The following ENTPD5 variants were observed in gnomAD, a reference collection of about 807,000 sequenced individuals.
The protein encoded by ENTPD5 is nucleoside diphosphate phosphatase ENTPD5.
In ENTPD5, 49 loss-of-function variants were observed where a neutral mutation model predicts 60.2. The ratio of observed to expected loss-of-function variants is 0.81; its 90% confidence interval spans 0.65 to 1.03. The LOEUF is 1.03. Ranked by LOEUF, ENTPD5 falls within the 50% of genes least tolerant of loss-of-function variation. The probability of loss-of-function intolerance (pLI) is 0.00; values close to 1 mark genes in which losing one functional copy is unlikely to be tolerated. For missense variants in ENTPD5, 480 were observed against 507.6 expected (o/e 0.95, Z 0.52); for synonymous variants, 187 against 185.4 (o/e 1.01, Z -0.07).
chr14:73,959,130 TCA>T (rs1382285092), downstream of ENTPD5: 1 of 1,614,034 alleles, frequency 6.2e-7, no homozygotes, highest in African/African-American at 1.3e-5. Context: ...ACTAGGTACT[TCA>T]CAGAGAAACT....
At chr14:74,002,094 T>C (rs2058530059) in intron 3 of ENTPD5, among the ~76,000 whole-genome samples, 1 of 152,176 alleles carries the variant, frequency 6.6e-6, no homozygotes, top group Admixed American at 6.6e-5. Flanking sequence ...GCTCATTTAA[T>C]CTCACATTAC....
downstream of ENTPD5, among the ~76,000 whole-genome samples, chr14:73,957,083 CTTATTA>C (rs1050220117): frequency 5.3e-4 from 79 of 149,300 alleles, 1 homozygote; most frequent in Middle Eastern, 3.5e-3. Context: ...CTACAGCGAG[CTTATTA>C]TTATTATTAT....
intron 1 of ENTPD5, among the ~76,000 whole-genome samples, chr14:74,017,868 G>A (rs1000402525): frequency 6.8e-6 from 1 of 147,744 alleles, no homozygotes; most frequent in Admixed American, 6.8e-5. Context: ...TAGGCAACAA[G>A]AGCAAAACTC....
chr14:73,983,139 A>G lies in ENTPD5; in HGVS notation c.320T>C (p.Leu107Pro). 1 of 1,614,008 alleles carries G rather than the reference A, an allele frequency of 6.2e-7. No homozygotes were observed. The highest frequency in any genetic ancestry group is 8.5e-7 in the Non-Finnish European group (1 of 1,179,966). ...PKQGAETVQG[L>P]LEVAKDSIPR... The stretch of plus-strand genomic sequence containing the variant: ...GATTGAGTCTTTGGCCACCTCTAAG[A>G]GCCCTTGAACGGTCTCAGCACCCTT... Residue 107 changes from leucine to proline, a missense_variant, in exon 6 of 16, where the codon CTC becomes CCC. By Grantham distance (98) the Leu-to-Pro change is moderately conservative (BLOSUM62 -3). Transcript: ENST00000334696.
At chr14:73,994,734 A>G (rs959666203) in intron 3 of ENTPD5, among the ~76,000 whole-genome samples, 1 of 151,572 alleles carries the variant, frequency 6.6e-6, no homozygotes, top group Non-Finnish European at 1.5e-5. Context: ...CCATCTCAAA[A>G]AAAAAAAAAA....
Position 74,011,123 on chromosome 14 carries a change from G to T in ENTPD5, c.-103C>A. 1 of 877,584 alleles carries T rather than the reference G, an allele frequency of 1.1e-6. No homozygotes were observed. The highest frequency in any genetic ancestry group is 1.4e-6 in the Non-Finnish European group (1 of 731,916). 54.4% of individuals were successfully genotyped at this position (877,584 alleles called of 1,614,324 possible). A position where few individuals can be genotyped will look rare whatever the true frequency, so the allele number is the denominator to read the frequency against. ...TTCTTTCCTTCTGAATTTTCTCCTT[G>T]GTTCCTTTATTATATCACTTTTTCA... On this transcript the variant is annotated 5_prime_UTR_variant, in exon 3 of 16. Coordinates refer to ENST00000334696, the MANE Select transcript of ENTPD5 (RefSeq NM_001249.5).
chr14:73,996,547 G>T (rs1174524951), intron 3 of ENTPD5: 1 of 151,072 alleles, frequency 6.6e-6, no homozygotes, highest in Non-Finnish European at 1.5e-5. Flanking sequence ...GCATTCACCT[G>T]TCTAGTTAAT....
intron 1 of ENTPD5, among the ~76,000 whole-genome samples, chr14:74,017,327 AGAAAAG>A (rs1309589396): frequency 2.4e-5 from 1 of 42,250 alleles, no homozygotes; most frequent in Non-Finnish European, 5.1e-5. Context: ...TCAAAAAAAA[AGAAAAG>A]AAAAAGCCAT....
chr14:73,962,740 C>T (rs772757152), downstream of ENTPD5: 3 of 552,448 alleles, frequency 5.4e-6, no homozygotes, highest in Non-Finnish European at 9.7e-6. Flanking sequence ...TTGCTTGAGC[C>T]TAGGAGTTTG....
chr14:74,012,646 C>G (rs2058881987), intron 2 of ENTPD5, among the ~76,000 whole-genome samples: 1 of 152,064 alleles, frequency 6.6e-6, no homozygotes, highest in Non-Finnish European at 1.5e-5. Flanking sequence ...GTGGGGATTG[C>G]AGTAAACTGG....
chr14:74,008,650 C>T (rs1397806559), intron 3 of ENTPD5, among the ~76,000 whole-genome samples: 2 of 152,158 alleles, frequency 1.3e-5, no homozygotes, highest in East Asian at 3.9e-4. Flanking sequence ...CCGCCTCGGC[C>T]TCCCAAAGTG....
rs777802659 is a variant in ENTPD5 at position 73,986,857 on chromosome 14, G to A, written c.254C>T (p.Ser85Phe). 6.2e-7 allele frequency: 1 copy of A among 1,614,072 alleles called. No individual in the cohort carries two copies. Among genetic ancestry groups the A allele is most frequent in the Non-Finnish European group, 8.5e-7 (1 of 1,179,970 alleles). The change falls in exon 5 of 16, where the codon TCT becomes TTT. Residue 85 changes from serine (S) to phenylalanine (F), a missense_variant. Ser to Phe is a radical substitution (Grantham distance 155, BLOSUM62 -2). Transcript: ENST00000334696. ...AAAAGCAGAAAGTCCTGGCTTCACA[G>A]AATCAAAAACTTCCCCTTCTAGAAT... ...LPILEGEVFD[S>F]VKPGLSAFVD...
chr14:74,009,982 G>C (rs894759474), intron 3 of ENTPD5, among the ~76,000 whole-genome samples: 1 of 152,140 alleles, frequency 6.6e-6, no homozygotes, highest in Non-Finnish European at 1.5e-5. Flanking sequence ...TAGGGAGACA[G>C]GGTTTCACCG....
At position 73,977,311 on chromosome 14, in the gene ENTPD5, C is replaced by T. The variant is rs767791441; in HGVS notation, c.505G>A (p.Gly169Arg). 6.2e-6 allele frequency: 10 copies of T among 1,610,734 alleles called. No individual in the cohort carries two copies. Among genetic ancestry groups the T allele is most frequent in the Non-Finnish European group, 8.5e-6 (10 of 1,178,610 alleles). Reference sequence around the variant, plus strand: ...ACACCTCTCCCACCTTCGTCGGATCCATCCATGATGCTAACACTGCCCTTT... The same window carrying T: ...ACACCTCTCCCACCTTCGTCGGATCTATCCATGATGCTAACACTGCCCTTT... ...VPKGSVSIMDGSDEGILAWVT... is the reference protein window; with the variant it reads ...VPKGSVSIMDRSDEGILAWVT... The change falls in exon 7 of 16, where the codon GGA becomes AGA. Residue 169 changes from glycine (G) to arginine (R), a missense_variant. Physicochemically the swap from Gly to Arg is moderately radical, Grantham distance 125. Transcript: ENST00000334696.
chr14:74,014,049 A>G (rs1566774021), intron 2 of ENTPD5, among the ~76,000 whole-genome samples: 1 of 152,162 alleles, frequency 6.6e-6, no homozygotes, highest in Admixed American at 6.6e-5. Context: ...TGCCCAGTCC[A>G]GGTAAGTTTT....
downstream of ENTPD5, chr14:73,961,722 TCCTCTGC>T: frequency 6.2e-7 from 1 of 1,614,076 alleles, no homozygotes; most frequent in Non-Finnish European, 8.5e-7. Context: ...ATTTAATCTT[TCCTCTGC>T]CCTTCAGGTT....
At chr14:73,974,165 G>A (rs925596904) in intron 11 of ENTPD5, among the ~76,000 whole-genome samples, 187 bp from the exon 12 acceptor site, 11 of 152,134 alleles carry the variant, frequency 7.2e-5, no homozygotes, top group African/African-American at 2.7e-4. Flanking sequence ...AGGCTTTGTG[G>A]GGTTGGTGAA....
chr14:73,977,000 A>C, intron 8 of ENTPD5, 24 bp downstream of exon 8: 2 of 1,595,436 alleles, frequency 1.3e-6, no homozygotes, highest in South Asian at 1.1e-5. Flanking sequence ...TTAAGCTCTA[A>C]AGATAAACTT....
At chr14:74,003,825 G>A (rs1488987492) in intron 3 of ENTPD5, among the ~76,000 whole-genome samples, 2 of 152,278 alleles carry the variant, frequency 1.3e-5, no homozygotes, top group African/African-American at 4.8e-5. Flanking sequence ...GGCTGGGCAT[G>A]GTGCCTCATG....
Sources: allele counts gnomAD v4.1 joint callset (sites outside exome capture counted in the v4.1 genomes callset), GRCh38; gene constraint gnomAD v4.1.1; transcripts MANE v1.5; gene names NCBI Gene and HGNC (gene_info 2026-07-23, HGNC 2026-07-21).